The following ATP10B variants were observed in gnomAD, a reference collection of about 807,000 sequenced individuals.
ATP10B encodes ATPase phospholipid transporting 10B (putative).
In ATP10B, 122 loss-of-function variants were observed where a neutral mutation model predicts 141.2. That is an observed-to-expected ratio of 0.86 (90% CI 0.75 to 1.00). ATP10B has a LOEUF of 1.00. Among genes scored for constraint, ATP10B ranks in the 50% least tolerant of loss-of-function variants. The probability of loss-of-function intolerance (pLI) is 0.00; values close to 1 mark genes in which losing one functional copy is unlikely to be tolerated. For synonymous variants in ATP10B, 685 were observed against 692.0 expected (o/e 0.99, Z 0.16); for missense variants, 1,876 against 1,825.3 (o/e 1.03, Z -0.51).
chr5:160,641,913 G>A (rs1179967872), intron 9 of ATP10B, among the ~76,000 whole-genome samples: 1 of 151,070 alleles, frequency 6.6e-6, no homozygotes, highest in East Asian at 1.9e-4. Flanking sequence ...TCAAGTTGCT[G>A]CAGTTGTGAG....
the ATP10B span, among the ~76,000 whole-genome samples, chr5:160,901,301 G>A: frequency 1.3e-5 from 2 of 152,094 alleles, no homozygotes; most frequent in African/African-American, 4.8e-5. Flanking sequence ...TCTTGATACA[G>A]TGTTAAGAGA....
intron 2 of ATP10B, among the ~76,000 whole-genome samples, chr5:160,746,535 G>C (rs964118724): frequency 1.3e-5 from 2 of 151,984 alleles, no homozygotes; most frequent in Non-Finnish European, 2.9e-5. Context: ...GGGATTACAG[G>C]CACCTGCCAC....
chr5:160,804,398 A>C (rs950835096), intron 1 of ATP10B, among the ~76,000 whole-genome samples: 7 of 152,190 alleles, frequency 4.6e-5, no homozygotes, highest in African/African-American at 1.7e-4. Flanking sequence ...TGTTCTATAA[A>C]TATCTAATAA....
intron 20 of ATP10B, chr5:160,603,720 C>CT: frequency 2.0e-6 from 1 of 495,942 alleles, no homozygotes; most frequent in Non-Finnish European, 3.7e-6. Context: ...CACAAAATGT[C>CT]TGTTTAAATG....
At chr5:160,692,320 A>G (rs1764120448) in intron 3 of ATP10B, among the ~76,000 whole-genome samples, 1 of 152,260 alleles carries the variant, frequency 6.6e-6, no homozygotes, top group African/African-American at 2.4e-5. Context: ...AATGATAAAA[A>G]GAATCACTTT....
chr5:160,897,656 C>T, the ATP10B span, among the ~76,000 whole-genome samples: 2 of 152,174 alleles, frequency 1.3e-5, no homozygotes, highest in South Asian at 4.1e-4. Flanking sequence ...ATCAAGCTAC[C>T]ATTGACTTCT....
At chr5:160,785,149 G>A (rs1461288758) in intron 2 of ATP10B, among the ~76,000 whole-genome samples, 1 of 152,112 alleles carries the variant, frequency 6.6e-6, no homozygotes, top group East Asian at 1.9e-4. Flanking sequence ...TAATATTACT[G>A]ATTTACTCCA....
intron 1 of ATP10B, among the ~76,000 whole-genome samples, chr5:160,845,785 TCA>T (rs1487891544): frequency 6.6e-6 from 1 of 152,126 alleles, no homozygotes; most frequent in Non-Finnish European, 1.5e-5. Flanking sequence ...TCACCATGTC[TCA>T]TTTATCTCTA....
the ATP10B span, among the ~76,000 whole-genome samples, chr5:160,881,901 T>C: frequency 6.6e-6 from 1 of 152,236 alleles, no homozygotes; most frequent in East Asian, 1.9e-4. Context: ...ATAAATAAAC[T>C]GTGGTACATG....
At chr5:160,794,693 G>T (rs1771818226) in intron 1 of ATP10B, among the ~76,000 whole-genome samples, 1 of 152,108 alleles carries the variant, frequency 6.6e-6, no homozygotes, top group African/African-American at 2.4e-5. Context: ...CAAACTCCTT[G>T]CCTCTTAAGG....
rs1758113514 is a variant in ATP10B, at chr5:160,617,885, G to C, written c.2505C>G (p.Arg835=). 1 of 1,614,112 alleles carries C rather than the reference G, an allele frequency of 6.2e-7. No homozygotes were observed. Residue 835 remains arginine (R), a synonymous_variant, in exon 16 of 26, where the codon CGC becomes CGG. Coordinates refer to ENST00000327245, the MANE Select transcript of ATP10B (RefSeq NM_025153.3). ...TTACCTTCTTGGCAATGCATAGTGTGCGCAGGCCATCTCTTGCATACAAGT... is the reference window on the plus strand; with the variant it reads ...TTACCTTCTTGGCAATGCATAGTGTCCGCAGGCCATCTCTTGCATACAAGT... ...HLDLYARDGL[R]TLCIAKKVVS...
chr5:160,825,616 A>T (rs1190686183), intron 1 of ATP10B, among the ~76,000 whole-genome samples: 1 of 152,194 alleles, frequency 6.6e-6, no homozygotes, highest in South Asian at 2.1e-4. Flanking sequence ...AATTTATTTC[A>T]CCAATGCCAT....
At chr5:160,607,381 T>A (rs765718855) in intron 18 of ATP10B, among the ~76,000 whole-genome samples, 1 of 152,196 alleles carries the variant, frequency 6.6e-6, no homozygotes, top group African/African-American at 2.4e-5. Flanking sequence ...ATAATACTAA[T>A]ATAATGGTAG....
chr5:160,884,571 G>A, the ATP10B span, among the ~76,000 whole-genome samples: 9 of 152,132 alleles, frequency 5.9e-5, no homozygotes, highest in African/African-American at 2.2e-4. Flanking sequence ...TAATCTCCCT[G>A]TGGGAGATAC....
rs1418287896 is a variant in ATP10B at position 160,686,398 on chromosome 5, T to C, written c.276-125A>G. ...TCTCTTTCAGTATCACCTCAAACAT[T>C]ATGGTAATGGATTTGAAGCCAAACC... On this transcript the variant is annotated intron_variant, in intron 5 of 25. Transcript: ENST00000327245. 4.6e-6 allele frequency: 3 copies of C among 649,370 alleles called. No homozygotes were observed. The East Asian group carries it at 8.6e-5, about 19-fold the overall frequency. The allele number at this position is 649,370 out of a possible 1,614,324, so 40.2% of individuals were successfully genotyped here.
At chr5:160,852,743 C>T (rs894672228), upstream of ATP10B, among the ~76,000 whole-genome samples, 1 of 152,026 alleles carries the variant, frequency 6.6e-6, no homozygotes, top group Non-Finnish European at 1.5e-5. Context: ...TCGATTCATA[C>T]CCTAAAATGA....
the ATP10B span, among the ~76,000 whole-genome samples, chr5:160,917,185 A>G: frequency 6.6e-6 from 1 of 151,892 alleles, no homozygotes; most frequent in Non-Finnish European, 1.5e-5. Context: ...CAAATGAGGC[A>G]CAGAGAACAG....
intron 1 of ATP10B, among the ~76,000 whole-genome samples, chr5:160,808,390 ATCAGAGGATCCTATACCATGAGCATGGCT>A (rs1171026192): frequency 1.3e-5 from 2 of 152,208 alleles, no homozygotes; most frequent in East Asian, 3.8e-4. Context: ...TCTGAGAGTT[ATCAGAGGATCCTATACCATGAGCATGGCT>A]TTGGTGACTT....
the ATP10B span, among the ~76,000 whole-genome samples, chr5:160,908,018 A>G: frequency 6.6e-6 from 1 of 152,170 alleles, no homozygotes; most frequent in Non-Finnish European, 1.5e-5. Flanking sequence ...AAACAGGACT[A>G]TGACACAGGG....
Sources: gnomAD v4.1 joint callset for allele counts (sites outside exome capture counted in the v4.1 genomes callset) on GRCh38, gnomAD v4.1.1 for gene constraint, MANE v1.5 for transcripts, NCBI Gene and HGNC (gene_info 2026-07-23, HGNC 2026-07-21) for gene names.